TRIM35: variants seen among roughly 807,000 people sequenced by gnomAD.
TRIM35 encodes the protein E3 ubiquitin-protein ligase TRIM35.
TRIM35 carries 37 observed loss-of-function variants against 49.1 expected under a neutral mutation model. The observed-to-expected ratio is 0.75, with a 90% CI of 0.58 to 0.99. TRIM35 has a LOEUF of 0.99. TRIM35 is among the 50% of genes least tolerant of loss of function. The probability of loss-of-function intolerance (pLI) is 0.00; values close to 1 mark genes in which losing one functional copy is unlikely to be tolerated. For synonymous variants in TRIM35, 302 were observed against 289.3 expected (o/e 1.04, Z -0.45); for missense variants, 648 against 702.7 (o/e 0.92, Z 0.88).
At chr8:27,303,937 G>A (rs1350324018) in intron 1 of TRIM35, among the ~76,000 whole-genome samples, 1 of 152,040 alleles carries the variant, frequency 6.6e-6, no homozygotes, top group Non-Finnish European at 1.5e-5. Context: ...CAGGTGATCC[G>A]CCCGCCTCGG....
intron 2 of TRIM35, among the ~76,000 whole-genome samples, chr8:27,296,020 T>G (rs1802558166): frequency 6.6e-6 from 1 of 152,172 alleles, no homozygotes; most frequent in African/African-American, 2.4e-5. Flanking sequence ...AAATGACTAT[T>G]ATGCTTGTGA....
intron 1 of TRIM35, among the ~76,000 whole-genome samples, chr8:27,309,820 T>C (rs1473581122): frequency 6.8e-6 from 1 of 146,930 alleles, no homozygotes; most frequent in Non-Finnish European, 1.5e-5. Flanking sequence ...CTGCCTCTAC[T>C]AGAAATTAAA....
chr8:27,293,853 T>TA (rs1230000664), intron 3 of TRIM35, among the ~76,000 whole-genome samples: 1 of 151,562 alleles, frequency 6.6e-6, no homozygotes, highest in East Asian at 1.9e-4. Flanking sequence ...ACCCTGTCTC[T>TA]AAAAAAAAGA....
chr8:27,289,206 A>T lies in TRIM35; in HGVS notation c.860T>A (p.Leu287Gln), dbSNP rs1197408759. 4 of 1,614,110 alleles carry T rather than the reference A, an allele frequency of 2.5e-6. No homozygotes were observed. Residue 287 changes from leucine to glutamine, a missense_variant, in exon 5 of 6, where the codon CTG (leucine) becomes CAG (glutamine). By Grantham distance (113) the Leu-to-Gln change is moderately radical. Coordinates refer to ENST00000305364, the MANE Select transcript of TRIM35 (RefSeq NM_171982.5). ...LIDVCKYLGS[L>Q]QYRVWKKMLA... ...CATCTTCTTCCAGACGCGGTACTGC[A>T]GGGAGCCCAGGTACTTGCAGACATC...
chr8:27,311,036 G>C lies in TRIM35; in HGVS notation c.200C>G (p.Ala67Gly). The C allele has an allele frequency of 6.2e-7, 1 of 1,602,460 alleles. No individual in the cohort carries two copies. The highest frequency in any genetic ancestry group is 8.5e-7 in the Non-Finnish European group (1 of 1,175,138). Residue 67 changes from alanine to glycine, a missense_variant, in exon 1 of 6, where the codon GCC becomes GGC. Transcript: ENST00000305364. The part of the protein sequence containing the change: ...CPVCKDRASP[A>G]DLRTNHTLNN... ...GAGGGTGTGGTTGGTGCGCAGGTCG[G>C]CGGGTGACGCGCGGTCTTTGCACAC... is the stretch of plus-strand genomic sequence containing the variant.
At chr8:27,297,639 G>T (rs1038102474) in intron 2 of TRIM35, among the ~76,000 whole-genome samples, 2 of 152,248 alleles carry the variant, frequency 1.3e-5, no homozygotes. Context: ...TACAGGTAAT[G>T]AAGTGTCATT....
intron 2 of TRIM35, 76 bp downstream of exon 2, chr8:27,298,388 G>T: frequency 7.0e-7 from 1 of 1,432,886 alleles, no homozygotes; most frequent in Non-Finnish European, 9.8e-7. Flanking sequence ...CAAAGCCACG[G>T]CTGACACATC....
chr8:27,291,653 C>T (rs987417077), intron 3 of TRIM35, among the ~76,000 whole-genome samples: 10 of 152,170 alleles, frequency 6.6e-5, no homozygotes, highest in African/African-American at 2.4e-4. Context: ...ACCCAAATGA[C>T]CACTGTCTTA....
intron 1 of TRIM35, among the ~76,000 whole-genome samples, chr8:27,306,283 C>A (rs1802782957): frequency 6.6e-6 from 1 of 152,012 alleles, no homozygotes; most frequent in Non-Finnish European, 1.5e-5. Flanking sequence ...CACATGCTTT[C>A]AGTTCACAAC....
chr8:27,294,755 G>A (rs1377559181), intron 2 of TRIM35, among the ~76,000 whole-genome samples: 3 of 152,104 alleles, frequency 2.0e-5, no homozygotes, highest in African/African-American at 7.2e-5. Flanking sequence ...AGAGCAGTAG[G>A]AAGCATTCAT....
chr8:27,307,423 C>G lies in TRIM35; in HGVS notation c.435+3378G>C, dbSNP rs143987828. 1.3e-4 allele frequency among the ~76,000 whole-genome samples: 20 copies of G among 152,256 alleles called. No individual in the cohort carries two copies. In the East Asian group the frequency reaches 2.9e-3, roughly 22 times the overall value. Reference sequence around the variant, plus strand: ...ACTTCCTTGGAGACTCCTTCCCACACCCCACCAAACAAGAGCAGCCTCCCC... The same window carrying G: ...ACTTCCTTGGAGACTCCTTCCCACAGCCCACCAAACAAGAGCAGCCTCCCC... On this transcript the variant is annotated intron_variant, in intron 1 of 5. Transcript: ENST00000305364.
chr8:27,294,365 C>A, intron 2 of TRIM35, 55 bp from the exon 3 acceptor site: 1 of 1,518,344 alleles, frequency 6.6e-7, no homozygotes, highest in Non-Finnish European at 8.9e-7. Context: ...ACATCCATAG[C>A]CCAGCAACTT....
intron 1 of TRIM35, among the ~76,000 whole-genome samples, chr8:27,302,970 T>C (rs1407307741): frequency 1.3e-5 from 2 of 152,210 alleles, no homozygotes; most frequent in Non-Finnish European, 2.9e-5. Context: ...CAAAACTGAA[T>C]AGAGTTGGTC....
intron 1 of TRIM35, 72 bp downstream of exon 1, chr8:27,310,729 G>T: frequency 6.8e-7 from 1 of 1,473,286 alleles, no homozygotes; most frequent in Non-Finnish European, 9.1e-7. Context: ...CAGGAGGGGC[G>T]GGAGCCGCAG....
rs754526041 is a variant in TRIM35, at chr8:27,287,718, C to T, written c.1314G>A (p.Glu438=). 2.5e-6 allele frequency: 4 copies of T among 1,610,164 alleles called. No homozygotes were observed. The highest frequency in any genetic ancestry group is 3.4e-6 in the Non-Finnish European group (4 of 1,178,604). ...LRVELECEEG[E]LSFYDAERHC... is the part of the protein sequence containing the mutation. ...GGCGCTCCGCGTCATAGAAAGACAG[C>T]TCGCCCTCCTCACACTCCAGCTCCA... Residue 438 remains glutamate (E), a synonymous_variant, in exon 6 of 6, where the codon GAG becomes GAA. Coordinates refer to ENST00000305364, the MANE Select transcript of TRIM35 (RefSeq NM_171982.5). The surrounding 1 kb of genome is among the most constrained non-coding windows in gnomAD (Gnocchi z 6.0).
Position 27,298,565 on chromosome 8 carries a change from A to G in TRIM35, c.436-6T>C, listed in dbSNP as rs769445225. Reference sequence around the variant, plus strand: ...TCCATGTTCCTGCACTTGGCCTGACATGGGAATGAGAGAGAGGGAGGAAGA... The same window carrying G: ...TCCATGTTCCTGCACTTGGCCTGACGTGGGAATGAGAGAGAGGGAGGAAGA... On this transcript the variant is annotated splice_region_variant and splice_polypyrimidine_tract_variant and intron_variant, in intron 1 of 5. Transcript: ENST00000305364. 11 of 1,613,528 alleles carry G rather than the reference A, an allele frequency of 6.8e-6. No individual in the cohort carries two copies. In the South Asian group the frequency reaches 8.8e-5, roughly 13 times the overall value.
rs1802304981 is a variant in TRIM35, at chr8:27,285,792, G to A, written c.*1758C>T. The A allele has an allele frequency of 1.3e-5, 2 of 153,424 alleles. No individual in the cohort carries two copies. The highest frequency in any genetic ancestry group is 4.8e-5 in the African/African-American group (2 of 41,400). 9.5% of individuals were successfully genotyped at this position (153,424 alleles called of 1,614,324 possible). ...TTATTATACAGAAATTATATTAATGGGTGGGATAAATACTTTACAGGAGAG... is the reference window on the plus strand; with the variant it reads ...TTATTATACAGAAATTATATTAATGAGTGGGATAAATACTTTACAGGAGAG... On this transcript the variant is annotated 3_prime_UTR_variant, in exon 6 of 6. Coordinates refer to ENST00000305364, the MANE Select transcript of TRIM35 (RefSeq NM_171982.5).
intron 2 of TRIM35, among the ~76,000 whole-genome samples, chr8:27,296,984 A>T (rs969345865): frequency 6.6e-6 from 1 of 152,096 alleles, no homozygotes; most frequent in Admixed American, 6.5e-5. Context: ...AGTAAAAGGG[A>T]ATTGCCCTCT....
At chr8:27,298,970 T>C (rs948536356) in intron 1 of TRIM35, among the ~76,000 whole-genome samples, 10 of 152,170 alleles carry the variant, frequency 6.6e-5, no homozygotes, top group African/African-American at 2.2e-4. Context: ...TGCAGTTTCC[T>C]AAACTGAATG....
Sources: allele counts gnomAD v4.1 joint callset (sites outside exome capture counted in the v4.1 genomes callset), GRCh38; gene constraint gnomAD v4.1.1; non-coding constraint Gnocchi (gnomAD v3.1); transcripts MANE v1.5; gene names NCBI Gene and HGNC (gene_info 2026-07-23, HGNC 2026-07-21).